Variants in EXOC6B observed in about 807,000 individuals in gnomAD.
EXOC6B encodes exocyst complex component 6B.
A neutral mutation model predicts 113.5 loss-of-function variants in EXOC6B; 54 were observed. That is an observed-to-expected ratio of 0.48 (90% CI 0.38 to 0.60). EXOC6B has a LOEUF of 0.60. Ranked by LOEUF, EXOC6B falls within the 20% of genes least tolerant of loss-of-function variation. The pLI, the probability that EXOC6B is intolerant of heterozygous loss-of-function variation, is 0.00. For missense variants in EXOC6B, 797 were observed against 977.5 expected (o/e 0.82, Z 2.46); for synonymous variants, 357 against 339.0 (o/e 1.05, Z -0.58).
At chr2:72,572,993 T>C (rs1353693022) in intron 7 of EXOC6B, among the ~76,000 whole-genome samples, 1 of 152,186 alleles carries the variant, frequency 6.6e-6, no homozygotes, top group African/African-American at 2.4e-5. Flanking sequence ...AACTTCCAAG[T>C]ACATTCTTAC....
chr2:72,465,612 T>C (rs1698000500), intron 17 of EXOC6B, among the ~76,000 whole-genome samples: 1 of 152,202 alleles, frequency 6.6e-6, no homozygotes, highest in Non-Finnish European at 1.5e-5. Flanking sequence ...AAGATTATGA[T>C]ATACACTAGC....
At chr2:72,659,215 C>T (rs555541327) in intron 6 of EXOC6B, among the ~76,000 whole-genome samples, 2 of 152,176 alleles carry the variant, frequency 1.3e-5, no homozygotes, top group South Asian at 2.1e-4. Flanking sequence ...ATATTATACT[C>T]CCATCTGAAG....
intron 20 of EXOC6B, among the ~76,000 whole-genome samples, chr2:72,329,743 T>G (rs1212724466): frequency 6.6e-6 from 1 of 151,962 alleles, no homozygotes; most frequent in Non-Finnish European, 1.5e-5. Context: ...TGTTCTCAAG[T>G]TTTCCTAACG....
At chr2:72,721,523 G>A (rs955518464) in intron 5 of EXOC6B, among the ~76,000 whole-genome samples, 1 of 151,216 alleles carries the variant, frequency 6.6e-6, no homozygotes, top group Non-Finnish European at 1.5e-5. Flanking sequence ...AATACATCAG[G>A]GGTTTCAATA....
At chr2:72,735,324 AAC>A (rs1680878665) in intron 2 of EXOC6B, among the ~76,000 whole-genome samples, 1 of 152,170 alleles carries the variant, frequency 6.6e-6, no homozygotes, top group South Asian at 2.1e-4. Context: ...AAGTATAGGG[AAC>A]ACACACACAA....
chr2:72,601,847 G>T (rs1229249594), intron 6 of EXOC6B, among the ~76,000 whole-genome samples: 1 of 152,100 alleles, frequency 6.6e-6, no homozygotes, highest in Non-Finnish European at 1.5e-5. Flanking sequence ...GAAATAAAAT[G>T]ATATACACCA....
At chr2:72,180,783 G>T (rs1678030407) in intron 21 of EXOC6B, among the ~76,000 whole-genome samples, 1 of 152,100 alleles carries the variant, frequency 6.6e-6, no homozygotes, top group Non-Finnish European at 1.5e-5. Flanking sequence ...TCCCACAGGG[G>T]CATTTATGTT....
At chr2:72,600,778 C>T (rs976391136) in intron 6 of EXOC6B, among the ~76,000 whole-genome samples, 2 of 151,888 alleles carry the variant, frequency 1.3e-5, no homozygotes, top group Non-Finnish European at 2.9e-5. Context: ...ATCTAGGTAA[C>T]CTTGGGTTCA....
At chr2:72,755,548 AT>A (rs1203798933) in intron 1 of EXOC6B, among the ~76,000 whole-genome samples, 1 of 152,172 alleles carries the variant, frequency 6.6e-6, no homozygotes, top group Non-Finnish European at 1.5e-5. Context: ...AATAATAAAT[AT>A]TTTTACCAAA....
intron 18 of EXOC6B, among the ~76,000 whole-genome samples, chr2:72,415,138 T>C (rs1043047522): frequency 3.9e-5 from 6 of 152,204 alleles, no homozygotes; most frequent in African/African-American, 1.4e-4. Flanking sequence ...TGAGGGATCC[T>C]TAAGACTCAG....
At chr2:72,750,727 C>A (rs1220373969) in intron 1 of EXOC6B, among the ~76,000 whole-genome samples, 1 of 152,096 alleles carries the variant, frequency 6.6e-6, no homozygotes, top group Non-Finnish European at 1.5e-5. Context: ...CTTCTGTGGT[C>A]TGAGAAATCT....
At chr2:72,660,778 G>T (rs1340573654) in intron 6 of EXOC6B, among the ~76,000 whole-genome samples, 2 of 151,140 alleles carry the variant, frequency 1.3e-5, no homozygotes, top group African/African-American at 4.9e-5. Flanking sequence ...TGAGGAAGAA[G>T]ACCAGAAGTT....
intron 8 of EXOC6B, among the ~76,000 whole-genome samples, chr2:72,517,930 G>C (rs535576113): frequency 1.6e-4 from 24 of 152,222 alleles, no homozygotes; most frequent in Non-Finnish European, 2.9e-4. Flanking sequence ...AAAAACAAAA[G>C]ACAAGACCAA....
At chr2:72,252,410 G>A (rs1683078346) in intron 20 of EXOC6B, among the ~76,000 whole-genome samples, 1 of 151,990 alleles carries the variant, frequency 6.6e-6, no homozygotes, top group Non-Finnish European at 1.5e-5. Context: ...ATGTTGCAAG[G>A]CAATATAATA....
At chr2:72,266,654 G>C (rs1320691476) in intron 20 of EXOC6B, among the ~76,000 whole-genome samples, 1 of 152,122 alleles carries the variant, frequency 6.6e-6, no homozygotes, top group Non-Finnish European at 1.5e-5. Flanking sequence ...TTTGGTTACT[G>C]TAGCCTTGTA....
intron 19 of EXOC6B, among the ~76,000 whole-genome samples, chr2:72,343,174 C>T (rs1689136435): frequency 6.6e-6 from 1 of 152,110 alleles, no homozygotes; most frequent in African/African-American, 2.4e-5. Context: ...TTCTGTAATC[C>T]CAGAACTTTG....
At position 72,435,637 on chromosome 2, in the gene EXOC6B, T is replaced by C. The variant is rs114513632; in HGVS notation, c.1980+29523A>G. 2.9e-3 allele frequency among the ~76,000 whole-genome samples: 438 copies of C among 152,032 alleles called. 1 individual carries two copies. The highest frequency in any genetic ancestry group is 4.5e-3 in the African/African-American group (187 of 41,534). ...AGGATAGTTGGCTCTTCTTGTTACA[T>C]TGATCCCCTTCTTTGTCTTTTTTGA... On this transcript the variant is annotated intron_variant, in intron 18 of 21. Coordinates refer to ENST00000272427, the MANE Select transcript of EXOC6B (RefSeq NM_015189.3).
intron 6 of EXOC6B, among the ~76,000 whole-genome samples, chr2:72,698,122 G>A (rs558793078): frequency 6.6e-6 from 1 of 152,268 alleles, no homozygotes; most frequent in African/African-American, 2.4e-5. Context: ...AGTGCAAAGT[G>A]GAGTCACTGG....
At chr2:72,621,801 T>A (rs1200051744) in intron 6 of EXOC6B, among the ~76,000 whole-genome samples, 1 of 152,138 alleles carries the variant, frequency 6.6e-6, no homozygotes, top group South Asian at 2.1e-4. Flanking sequence ...TAAAATCATG[T>A]ATGATGATAT....
Sources: gnomAD v4.1 joint callset for allele counts (sites outside exome capture counted in the v4.1 genomes callset) on GRCh38, gnomAD v4.1.1 for gene constraint, MANE v1.5 for transcripts, NCBI Gene and HGNC (gene_info 2026-07-23, HGNC 2026-07-21) for gene names.